Variants in RAP1GAP2 observed in about 807,000 individuals in gnomAD.
The protein encoded by RAP1GAP2 is rap1 GTPase-activating protein 2.
RAP1GAP2 carries 27 observed loss-of-function variants against 95.0 expected under a neutral mutation model. The ratio of observed to expected loss-of-function variants is 0.28; its 90% CI spans 0.21 to 0.39. The LOEUF is 0.39. Among genes scored for constraint, RAP1GAP2 ranks in the 10% least tolerant of loss-of-function variants. RAP1GAP2 has a pLI of 1.00. For synonymous variants in RAP1GAP2, 373 were observed against 380.9 expected (o/e 0.98, Z 0.24); for missense variants, 771 against 970.0 (o/e 0.79, Z 2.72).
Position 3,031,543 on chromosome 17 carries a change from G to A in RAP1GAP2, c.2184+545G>A, listed in dbSNP as rs183157132. 5.4e-5 allele frequency among the ~76,000 whole-genome samples: 8 copies of A among 148,212 alleles called. No homozygotes were observed. In the East Asian group the frequency reaches 1.8e-3, roughly 34 times the overall value. ...CTCGCCAGACTATGGAGAACTCCAGGTCCAGATGTGAGGTGGGAAGGGCTG... is the reference window on the plus strand; with the variant it reads ...CTCGCCAGACTATGGAGAACTCCAGATCCAGATGTGAGGTGGGAAGGGCTG... On this transcript the variant is annotated intron_variant, in intron 23 of 24. Coordinates refer to ENST00000254695, the MANE Select transcript of RAP1GAP2 (RefSeq NM_015085.5).
chr17:3,036,926 G>C lies in RAP1GAP2; in HGVS notation c.*3565G>C, dbSNP rs536325132. On this transcript the variant is annotated 3_prime_UTR_variant, in exon 25 of 25. Transcript: ENST00000254695. ...ATCTGTTTTAAGCAGTTGGGGGTTC[G>C]AGTAGATCTCATGGGTACAGGAGGC... 6.5e-6 allele frequency: 1 copy of C among 152,768 alleles called. No individual in the cohort carries two copies. The highest frequency in any genetic ancestry group is 2.4e-5 in the African/African-American group (1 of 41,546). The allele number at this position is 152,768 out of a possible 1,614,324, so 9.5% of individuals were successfully genotyped here.
intron 3 of RAP1GAP2, among the ~76,000 whole-genome samples, chr17:2,929,699 G>A (rs1257346105): frequency 1.3e-5 from 2 of 152,286 alleles, no homozygotes; most frequent in South Asian, 2.1e-4. Context: ...CCCTGGTAGC[G>A]AAGACCCCGG....
At chr17:2,831,544 G>A (rs940231305) in intron 2 of RAP1GAP2, among the ~76,000 whole-genome samples, 4 of 151,536 alleles carry the variant, frequency 2.6e-5, no homozygotes, top group East Asian at 3.9e-4. Flanking sequence ...TTTAATTTTA[G>A]AGACTGATGA....
intron 1 of RAP1GAP2, among the ~76,000 whole-genome samples, chr17:2,786,560 G>A (rs2068781070): frequency 6.6e-6 from 1 of 152,238 alleles, no homozygotes; most frequent in Non-Finnish European, 1.5e-5. Flanking sequence ...GGGCAGAGTT[G>A]GCTGTGTGTT....
chr17:2,786,996 G>A (rs549729794), intron 1 of RAP1GAP2, among the ~76,000 whole-genome samples: 3 of 134,580 alleles, frequency 2.2e-5, no homozygotes, highest in African/African-American at 8.4e-5. Flanking sequence ...CTGTCCCCAG[G>A]CTGGTGCGCA....
chr17:2,923,212 G>A (rs901262757), intron 3 of RAP1GAP2, among the ~76,000 whole-genome samples: 4 of 151,878 alleles, frequency 2.6e-5, no homozygotes, highest in Non-Finnish European at 4.4e-5. Context: ...GTTAATTTTT[G>A]TATTTTTAAT....
chr17:2,849,763 G>T (rs922244294), intron 2 of RAP1GAP2, among the ~76,000 whole-genome samples: 1 of 152,160 alleles, frequency 6.6e-6, no homozygotes, highest in Non-Finnish European at 1.5e-5. Context: ...TAAGTTGGGT[G>T]AGGTGAGACC....
At chr17:2,828,367 T>A (rs555980874) in intron 2 of RAP1GAP2, among the ~76,000 whole-genome samples, 2 of 131,418 alleles carry the variant, frequency 1.5e-5, no homozygotes, top group East Asian at 4.4e-4. Context: ...ACAAAAATAA[T>A]ACTGCGATTT....
intron 2 of RAP1GAP2, among the ~76,000 whole-genome samples, chr17:2,805,839 G>T (rs1405992533): frequency 6.6e-6 from 1 of 152,152 alleles, no homozygotes; most frequent in Non-Finnish European, 1.5e-5. Flanking sequence ...GGCTGGCTGC[G>T]GTGGCCTGGA....
chr17:2,796,419 C>T (rs559921623), upstream of RAP1GAP2: 28 of 1,275,042 alleles, frequency 2.2e-5, no homozygotes, highest in Middle Eastern at 5.1e-4. This position sits in a 1 kb window ranked among gnomAD's most constrained non-coding sequence, Gnocchi z 4.7. Context: ...CCACGCTGGG[C>T]TCCCCGCCCT....
chr17:2,871,674 A>G lies in RAP1GAP2; in HGVS notation c.81-33610A>G, dbSNP rs189839929. ...TTCATGCTGATTTCATTGGGGTTCA[A>G]TTGGTACCATCCCATGGGCAGTACA... On this transcript the variant is annotated intron_variant, in intron 2 of 24. Transcript: ENST00000254695. The surrounding 1 kb of genome is among the most constrained non-coding windows in gnomAD (Gnocchi z 5.0). Among the ~76,000 whole-genome samples, 18 of 152,234 alleles carry G rather than the reference A, an allele frequency of 1.2e-4. No homozygotes were observed. The highest frequency in any genetic ancestry group is 9.7e-4 in the East Asian group (5 of 5,164).
intron 3 of RAP1GAP2, among the ~76,000 whole-genome samples, chr17:2,941,098 T>A (rs368181878): frequency 6.6e-6 from 1 of 152,126 alleles, no homozygotes; most frequent in African/African-American, 2.4e-5. Context: ...CTCACCTGAT[T>A]GATGTTTCAA....
chr17:2,847,849 C>G (rs1245401868), intron 2 of RAP1GAP2, among the ~76,000 whole-genome samples: 2 of 152,102 alleles, frequency 1.3e-5, no homozygotes, highest in African/African-American at 2.4e-5. Context: ...TGGGCGGCCT[C>G]TATGCAAAAT....
chr17:2,992,164 CTTT>C (rs11454789), intron 12 of RAP1GAP2, among the ~76,000 whole-genome samples: 2 of 134,736 alleles, frequency 1.5e-5, no homozygotes. Flanking sequence ...ACAGTCTATG[CTTT>C]TTTTTTTTTT....
chr17:2,800,316 G>A (rs2069230410), intron 1 of RAP1GAP2, 199 bp from the exon 2 acceptor site: 1 of 857,490 alleles, frequency 1.2e-6, no homozygotes, highest in Non-Finnish European at 1.4e-6. Flanking sequence ...GCATGTTGTA[G>A]GGTGGTGTGT....
intron 1 of RAP1GAP2, among the ~76,000 whole-genome samples, chr17:2,782,742 G>A (rs188444334): frequency 7.4e-4 from 113 of 152,294 alleles, no homozygotes; most frequent in Admixed American, 1.7e-3. Flanking sequence ...CTGGCCAGGC[G>A]CGGTGGCCCA....
chr17:2,772,803 A>G (rs1043621086), upstream of RAP1GAP2, among the ~76,000 whole-genome samples: 47 of 149,322 alleles, frequency 3.1e-4, no homozygotes, highest in African/African-American at 1.1e-3. Flanking sequence ...AATAAGGTTT[A>G]TACTTGAAGT....
intron 4 of RAP1GAP2, among the ~76,000 whole-genome samples, chr17:2,958,384 A>G (rs2044195908): frequency 6.6e-6 from 1 of 151,972 alleles, no homozygotes; most frequent in South Asian, 2.1e-4. Context: ...GTTGTTCCTC[A>G]CCAGGGTCAG....
At position 2,849,604 on chromosome 17, in the gene RAP1GAP2, C is replaced by T. The variant is rs886252987; in HGVS notation, c.80+49054C>T. Among the ~76,000 whole-genome samples the T allele has an allele frequency of 8.3e-4, 126 of 152,214 alleles. 2 individuals are homozygous for T. The highest frequency in any genetic ancestry group is 1.9e-4 in the Non-Finnish European group (13 of 68,038). On this transcript the variant is annotated intron_variant, in intron 2 of 24. Transcript: ENST00000254695. ...CTGTCTCCCGCCCCAGGCCTGATTC[C>T]CACCCAGGCCCCCTCAGCCTTTGGA...
Sources: allele counts gnomAD v4.1 joint callset (sites outside exome capture counted in the v4.1 genomes callset), GRCh38; gene constraint gnomAD v4.1.1; non-coding constraint Gnocchi (gnomAD v3.1); transcripts MANE v1.5; gene names NCBI Gene and HGNC (gene_info 2026-07-23, HGNC 2026-07-21).